SGCD: variants seen among roughly 807,000 people sequenced by gnomAD.
SGCD encodes sarcoglycan delta.
SGCD carries 18 observed loss-of-function variants against 36.6 expected under a neutral mutation model. The observed-to-expected ratio is 0.49, with a 90% CI of 0.34 to 0.73. The LOEUF (loss-of-function observed/expected upper bound fraction) is 0.73, where lower values mean the gene tolerates loss of function less well. Among genes scored for constraint, SGCD ranks in the 30% least tolerant of loss-of-function variants. The pLI, the probability that SGCD is intolerant of heterozygous loss-of-function variation, is 0.01. For synonymous variants in SGCD, 133 were observed against 130.6 expected (o/e 1.02, Z -0.12); for missense variants, 387 against 346.7 (o/e 1.12, Z -0.92).
At chr5:156,019,417 A>T (rs1278599453) in intron 1 of SGCD, among the ~76,000 whole-genome samples, 1 of 152,150 alleles carries the variant, frequency 6.6e-6, no homozygotes, top group African/African-American at 2.4e-5. Context: ...AAAGCCTTTC[A>T]TTTAAAATGC....
chr5:156,455,140 A>G (rs530608243), intron 3 of SGCD, among the ~76,000 whole-genome samples: 1 of 152,300 alleles, frequency 6.6e-6, no homozygotes, highest in African/African-American at 2.4e-5. Flanking sequence ...TTAGGGTTGA[A>G]TTATGTCCTG....
intron 3 of SGCD, among the ~76,000 whole-genome samples, chr5:156,227,842 A>G (rs1207225063): frequency 6.6e-6 from 1 of 151,990 alleles, no homozygotes; most frequent in Non-Finnish European, 1.5e-5. Flanking sequence ...AGGTTGTGTC[A>G]CTATTGTCTT....
chr5:155,764,083 TC>T, the SGCD span, among the ~76,000 whole-genome samples: 2 of 152,164 alleles, frequency 1.3e-5, no homozygotes, highest in Non-Finnish European at 1.5e-5. Flanking sequence ...GGCTACTGTG[TC>T]CCAGTCAGTA....
chr5:156,079,018 TAAAAA>T (rs575699645), intron 1 of SGCD, among the ~76,000 whole-genome samples: 1 of 102,496 alleles, frequency 9.8e-6, no homozygotes, highest in African/African-American at 3.7e-5. Flanking sequence ...GGGTAATTTG[TAAAAA>T]AAAAAAAAAA....
intron 3 of SGCD, among the ~76,000 whole-genome samples, chr5:156,366,153 C>T (rs566174965): frequency 5.8e-4 from 89 of 152,186 alleles, no homozygotes; most frequent in Non-Finnish European, 1.1e-3. Flanking sequence ...AGCAGCATCG[C>T]GCTGGGATAA....
intron 3 of SGCD, among the ~76,000 whole-genome samples, chr5:156,243,492 A>G (rs755811189): frequency 1.3e-5 from 2 of 152,058 alleles, no homozygotes; most frequent in Non-Finnish European, 2.9e-5. Context: ...ACTAAAATTA[A>G]CCCAGTGGCA....
chr5:156,201,437 T>C (rs921182925), intron 3 of SGCD, among the ~76,000 whole-genome samples: 2 of 152,158 alleles, frequency 1.3e-5, no homozygotes, highest in Middle Eastern at 3.2e-3. Context: ...ACTCCCACTG[T>C]AGCAATGAGC....
chr5:155,773,194 A>G, the SGCD span, among the ~76,000 whole-genome samples: 3 of 152,094 alleles, frequency 2.0e-5, no homozygotes, highest in Non-Finnish European at 2.9e-5. Flanking sequence ...CTTCTGCTGT[A>G]AAAGTGAAGT....
rs1002123065 is a variant in SGCD at position 156,095,523 on chromosome 5, A to G, written c.-281-22355A>G. 2.0e-5 allele frequency among the ~76,000 whole-genome samples: 3 copies of G among 152,274 alleles called. No individual in the cohort carries two copies. In the South Asian group the frequency reaches 6.2e-4, roughly 32 times the overall value. On this transcript the variant is annotated intron_variant, in intron 1 of 9. Transcript: ENST00000517913. ...GAAGCTTGTTTTGACAACCTGCAGAAGTGTTCACACTCTTCTTTTCCCCAC... is the reference window on the plus strand; with the variant it reads ...GAAGCTTGTTTTGACAACCTGCAGAGGTGTTCACACTCTTCTTTTCCCCAC...
At chr5:155,868,804 T>C (rs1360346742), upstream of SGCD, among the ~76,000 whole-genome samples, 8 of 151,952 alleles carry the variant, frequency 5.3e-5, no homozygotes, top group Admixed American at 5.2e-4. Flanking sequence ...GTTGGTTTGA[T>C]GAGTGGTGAA....
At chr5:156,296,424 T>C (rs1766894839) in intron 3 of SGCD, among the ~76,000 whole-genome samples, 1 of 152,180 alleles carries the variant, frequency 6.6e-6, no homozygotes, top group Non-Finnish European at 1.5e-5. Context: ...ATTTAGGTTG[T>C]CAATAGAAGA....
At chr5:156,150,015 A>G (rs902766923) in intron 3 of SGCD, among the ~76,000 whole-genome samples, 3 of 152,146 alleles carry the variant, frequency 2.0e-5, no homozygotes, top group Non-Finnish European at 4.4e-5. Context: ...TCCACCCAGC[A>G]GCTAGAGTGG....
chr5:156,035,415 G>A (rs998117702), intron 1 of SGCD, among the ~76,000 whole-genome samples: 1 of 152,056 alleles, frequency 6.6e-6, no homozygotes, highest in Admixed American at 6.6e-5. Context: ...ATACTAGCAT[G>A]GGCAACGTAG....
At chr5:156,537,492 CACACACACACACACAG>C (rs921148628) in intron 4 of SGCD, among the ~76,000 whole-genome samples, 3 of 151,032 alleles carry the variant, frequency 2.0e-5, no homozygotes, top group African/African-American at 7.4e-5. Context: ...CACACACACA[CACACACACACACACAG>C]GTATATATAT....
intron 1 of SGCD, among the ~76,000 whole-genome samples, chr5:156,047,381 T>C (rs1759794677): frequency 6.6e-6 from 1 of 152,174 alleles, no homozygotes; most frequent in African/African-American, 2.4e-5. Flanking sequence ...TCTAGGACTT[T>C]CATAGCTAAA....
Position 156,580,014 on chromosome 5 carries a change from G to A in SGCD, c.295-9217G>A, listed in dbSNP as rs181117030. ...ATGCAGTTTCTTCCTAGCATTGATG[G>A]TCTTTACAATTTGGCATGTTTTTGC... On this transcript the variant is annotated intron_variant, in intron 4 of 8. Coordinates refer to ENST00000337851, the MANE Select transcript of SGCD (RefSeq NM_000337.6). Among the ~76,000 whole-genome samples the A allele has an allele frequency of 4.5e-3, 689 of 152,244 alleles. 4 individuals carry two copies. The highest frequency in any genetic ancestry group is 0.014 in the African/African-American group (573 of 41,536).
intron 5 of SGCD, among the ~76,000 whole-genome samples, chr5:156,590,038 C>A (rs1760660011): frequency 6.6e-6 from 1 of 152,088 alleles, no homozygotes; most frequent in Non-Finnish European, 1.5e-5. Context: ...AACAGGGAGG[C>A]ATTATGCACC....
chr5:156,541,836 A>T (rs1008310220), intron 4 of SGCD, among the ~76,000 whole-genome samples: 2 of 152,188 alleles, frequency 1.3e-5, no homozygotes, highest in Non-Finnish European at 2.9e-5. Context: ...CAAAGGTCGT[A>T]GCATTGGCAA....
Position 156,548,092 on chromosome 5 carries a change from A to G in SGCD, c.294+39390A>G, listed in dbSNP as rs190358428. Among the ~76,000 whole-genome samples the G allele has an allele frequency of 5.7e-4, 87 of 152,314 alleles. 1 individual carries two copies. The South Asian group carries it at 6.0e-3, about 11-fold the overall frequency. ...CTAACTGCTTCTTTATTTATGTCCA[A>G]TAGTAGGCACATAGCCTGAGTCACT... On this transcript the variant is annotated intron_variant, in intron 4 of 8. Coordinates refer to ENST00000337851, the MANE Select transcript of SGCD (RefSeq NM_000337.6).
Sources: allele counts gnomAD v4.1 joint callset (sites outside exome capture counted in the v4.1 genomes callset), GRCh38; gene constraint gnomAD v4.1.1; transcripts MANE v1.5; gene names NCBI Gene and HGNC (gene_info 2026-07-23, HGNC 2026-07-21).